Variants in ACOT1 observed in about 807,000 individuals in gnomAD.
ACOT1 encodes the protein acyl-coenzyme A thioesterase 1.
Under a neutral mutation model 15.7 loss-of-function variants are expected in ACOT1, and 8 were observed. The observed-to-expected ratio is 0.51, with a 90% CI of 0.30 to 0.92. The LOEUF (loss-of-function observed/expected upper bound fraction) is 0.92. Among genes scored for constraint, ACOT1 ranks in the 40% least tolerant of loss-of-function variants. The pLI, the probability that ACOT1 is intolerant of heterozygous loss-of-function variation, is 0.06. For missense variants in ACOT1, 151 were observed against 539.4 expected (o/e 0.28, Z 7.13); for synonymous variants, 67 against 241.2 (o/e 0.28, Z 6.69).
At chr14:73,517,084 C>A in the ACOT1 span, 1 of 152,326 alleles carries the variant, frequency 6.6e-6, no homozygotes, top group Non-Finnish European at 1.5e-5. Flanking sequence ...AGTTCGAGAC[C>A]AGTCTGGGCA....
chr14:73,496,662 A>G, the ACOT1 span: 2 of 1,583,980 alleles, frequency 1.3e-6, no homozygotes, highest in Non-Finnish European at 1.7e-6. Context: ...GAGTATCTTC[A>G]TTGTCTGGTA....
upstream of ACOT1, among the ~76,000 whole-genome samples, chr14:73,535,469 CTTTTTTTTTTTTTTTTTTT>C (rs869167008): frequency 9.8e-3 from 162 of 16,532 alleles, 23 homozygotes; most frequent in Admixed American, 0.015. Flanking sequence ...TTTCTTCTTT[CTTTTTTTTTTTTTTTTTTT>C]TTTTTTTTTT....
the ACOT1 span, among the ~76,000 whole-genome samples, chr14:73,524,304 A>AT: frequency 2.7e-4 from 25 of 93,764 alleles, no homozygotes; most frequent in African/African-American, 5.4e-4. Context: ...AAAAAAAAAA[A>AT]AAAAAAATAT....
the ACOT1 span, among the ~76,000 whole-genome samples, chr14:73,506,802 C>CTTTTTTTTTTTTTTTTTTTTTTTTTTTT: frequency 1.7e-5 from 1 of 58,054 alleles, no homozygotes; most frequent in African/African-American, 1.0e-4. Context: ...CTGACTTTAA[C>CTTTTTTTTTTTTTTTTTTTTTTTTTTTT]TGTTTTTTTT....
chr14:73,491,199 A>T, the ACOT1 span: 1 of 1,596,236 alleles, frequency 6.3e-7, no homozygotes, highest in Non-Finnish European at 8.5e-7. Flanking sequence ...CTGCCTAGCG[A>T]GAACTCGGAG....
the ACOT1 span, among the ~76,000 whole-genome samples, chr14:73,501,390 G>C: frequency 6.6e-6 from 1 of 151,926 alleles, no homozygotes; most frequent in Non-Finnish European, 1.5e-5. Context: ...CTCCCAAAGT[G>C]CTGGGATTAC....
upstream of ACOT1, among the ~76,000 whole-genome samples, chr14:73,532,870 G>A (rs1332007088): frequency 1.8e-5 from 2 of 113,620 alleles, 1 homozygote; most frequent in African/African-American, 5.7e-5. Context: ...CAGGAGAATG[G>A]CGTGAACCCA....
At chr14:73,492,552 C>G in the ACOT1 span, 1 of 1,613,854 alleles carries the variant, frequency 6.2e-7, no homozygotes. The surrounding 1 kb of genome is among the most constrained non-coding windows in gnomAD (Gnocchi z 4.9). Context: ...TCTCTGCCCC[C>G]TGTTTTGACT....
the ACOT1 span, chr14:73,491,060 C>T: frequency 4.4e-6 from 7 of 1,590,592 alleles, no homozygotes; most frequent in South Asian, 2.3e-5. Context: ...GAGGCGCGGG[C>T]GGCCGAAGCG....
rs1330063881 is a variant in ACOT1 at position 73,538,685 on chromosome 14, C to CA, written c.457+815dup. On this transcript the variant is annotated intron_variant, in intron 1 of 2. Coordinates refer to ENST00000311148, the MANE Select transcript of ACOT1 (RefSeq NM_001037161.2). ...AATATTAAAAACAAACAAAACAAAACAAAAAAAACAGGCCGGACGCGGTGG... is the reference window on the plus strand; with the variant it reads ...AATATTAAAAACAAACAAAACAAAACAAAAAAAAACAGGCCGGACGCGGTGG... 1.1e-4 allele frequency among the ~76,000 whole-genome samples: 11 copies of CA among 98,134 alleles called. 1 individual carries two copies. The highest frequency in any genetic ancestry group is 1.5e-4 in the Non-Finnish European group (7 of 45,732). The allele number at this position is 98,134 out of a possible 152,430, so 64.4% of individuals were successfully genotyped here.
At chr14:73,502,617 T>G in the ACOT1 span, among the ~76,000 whole-genome samples, 1 of 151,994 alleles carries the variant, frequency 6.6e-6, no homozygotes, top group Non-Finnish European at 1.5e-5. Context: ...GCGCGATCTC[T>G]GCTCACTGCA....
At position 73,539,748 on chromosome 14, in the gene ACOT1, C is replaced by A. The variant is rs1430447058; in HGVS notation, c.458-1745C>A. 9.3e-5 allele frequency: 11 copies of A among 118,432 alleles called. 2 individuals carry two copies. The highest frequency in any genetic ancestry group is 4.7e-4 in the Admixed American group (5 of 10,678). 7.3% of individuals were successfully genotyped at this position (118,432 alleles called of 1,614,324 possible). A position where few individuals can be genotyped will look rare whatever the true frequency, so the allele number is the denominator to read the frequency against. ...CGTCTGGAAGCTGCCAGCACGCGGT[C>A]CCTGTCCATCAGCACACGCGTGGGC... On this transcript the variant is annotated intron_variant, in intron 1 of 2. Coordinates refer to ENST00000311148, the MANE Select transcript of ACOT1 (RefSeq NM_001037161.2).
the ACOT1 span, among the ~76,000 whole-genome samples, chr14:73,516,147 CAAAAAAAAAAAAAAA>C: frequency 2.2e-4 from 2 of 9,158 alleles, 1 homozygote; most frequent in Admixed American, 2.9e-3. Context: ...CAACAGTCAT[CAAAAAAAAAAAAAAA>C]AAAAAAAAAA....
upstream of ACOT1, among the ~76,000 whole-genome samples, chr14:73,534,440 C>G (rs560883610): frequency 2.4e-4 from 26 of 109,378 alleles, 5 homozygotes; most frequent in African/African-American, 7.7e-4. Flanking sequence ...TGCCTATAAT[C>G]CCAACACTCA....
chr14:73,495,297 C>A, the ACOT1 span: 7 of 1,613,954 alleles, frequency 4.3e-6, no homozygotes, highest in South Asian at 7.7e-5. Context: ...TTCAAGTAAA[C>A]ACGTTTTGCT....
the ACOT1 span, chr14:73,530,104 A>AG: frequency 8.1e-6 from 1 of 123,952 alleles, no homozygotes; most frequent in African/African-American, 2.7e-5. Flanking sequence ...CTGGGACCAC[A>AG]GGTGTGCACC....
chr14:73,513,398 G>A, the ACOT1 span, among the ~76,000 whole-genome samples: 2 of 151,462 alleles, frequency 1.3e-5, no homozygotes, highest in Non-Finnish European at 2.9e-5. Flanking sequence ...GGTAGAGGTT[G>A]CAGTGAGCCC....
At chr14:73,521,193 C>G in the ACOT1 span, among the ~76,000 whole-genome samples, 1 of 152,114 alleles carries the variant, frequency 6.6e-6, no homozygotes, top group Non-Finnish European at 1.5e-5. Flanking sequence ...TTAGCCTTGT[C>G]CCCATGGTGC....
At chr14:73,524,310 AATATATATAT>A in the ACOT1 span, among the ~76,000 whole-genome samples, 48 of 54,782 alleles carry the variant, frequency 8.8e-4, no homozygotes, top group Middle Eastern at 0.013. Context: ...AAAAAAAAAA[AATATATATAT>A]ATATATATAT....
Sources: allele counts gnomAD v4.1 joint callset (sites outside exome capture counted in the v4.1 genomes callset), GRCh38; gene constraint gnomAD v4.1.1; non-coding constraint Gnocchi (gnomAD v3.1); transcripts MANE v1.5; gene names NCBI Gene and HGNC (gene_info 2026-07-23, HGNC 2026-07-21).